RALB: variants seen among roughly 807,000 people sequenced by gnomAD.
The protein encoded by RALB is ras-related protein Ral-B.
In RALB, 16 loss-of-function variants were observed where a neutral mutation model predicts 21.3. That is an observed-to-expected ratio of 0.75 (90% CI 0.51 to 1.14). The LOEUF (loss-of-function observed/expected upper bound fraction) is 1.14, where lower values mean the gene tolerates loss of function less well. RALB is among the 50% of genes most tolerant of loss of function. The pLI, the probability that RALB is intolerant of heterozygous loss-of-function variation, is 0.00. For synonymous variants in RALB, 93 were observed against 96.1 expected (o/e 0.97, Z 0.19); for missense variants, 161 against 256.2 (o/e 0.63, Z 2.54).
Position 120,294,091 on chromosome 2 carries a change from TA to T in RALB, c.*832del. Reference sequence around the variant, plus strand: ...CTCTCCTAACTGCCTGTCCTCTGGTTAGGCCCCTCCCTCTCCACTAGTGGTG... The same window carrying T: ...CTCTCCTAACTGCCTGTCCTCTGGTTGGCCCCTCCCTCTCCACTAGTGGTG... On this transcript the variant is annotated 3_prime_UTR_variant, in exon 5 of 5. Coordinates refer to ENST00000272519, the MANE Select transcript of RALB (RefSeq NM_002881.3). The T allele has an allele frequency of 2.5e-6, 1 of 398,648 alleles. No homozygotes were observed. Among genetic ancestry groups the T allele is most frequent in the East Asian group, 3.6e-5 (1 of 28,080 alleles). 24.7% of individuals were successfully genotyped at this position (398,648 alleles called of 1,614,324 possible).
At chr2:120,269,885 A>G (rs961606412) in intron 1 of RALB, among the ~76,000 whole-genome samples, 2 of 152,092 alleles carry the variant, frequency 1.3e-5, no homozygotes, top group African/African-American at 4.8e-5. Flanking sequence ...GTAGTTGCTT[A>G]TTTTTTCCCA....
intron 1 of RALB, among the ~76,000 whole-genome samples, chr2:120,247,262 T>G (rs1396158101): frequency 6.6e-6 from 1 of 152,244 alleles, no homozygotes; most frequent in Non-Finnish European, 1.5e-5. Flanking sequence ...GGGAGATAAC[T>G]CTTTGTAAAC....
At chr2:120,279,637 T>G (rs1019348136) in intron 2 of RALB, among the ~76,000 whole-genome samples, 2 of 152,112 alleles carry the variant, frequency 1.3e-5, no homozygotes, top group Admixed American at 1.3e-4. Flanking sequence ...ATCTGCAGAT[T>G]TTGGTATTTG....
At chr2:120,276,184 A>T (rs868344423) in intron 1 of RALB, among the ~76,000 whole-genome samples, 1 of 152,192 alleles carries the variant, frequency 6.6e-6, no homozygotes, top group Admixed American at 6.5e-5. Flanking sequence ...TAGCCCTTCT[A>T]TTGGTGCAGC....
intron 1 of RALB, among the ~76,000 whole-genome samples, chr2:120,254,670 G>A (rs1689152560): frequency 9.5e-6 from 1 of 105,490 alleles, no homozygotes; most frequent in South Asian, 3.0e-4. Context: ...TGAGAATTGA[G>A]ATAATCCTTT....
chr2:120,278,543 A>C, intron 1 of RALB, 75 bp from the exon 2 acceptor site: 4 of 1,283,558 alleles, frequency 3.1e-6, no homozygotes, highest in Non-Finnish European at 4.1e-6. Flanking sequence ...GCTTTAATGG[A>C]GGATGTGAAT....
intron 1 of RALB, among the ~76,000 whole-genome samples, chr2:120,269,721 C>A (rs938106093): frequency 6.6e-6 from 1 of 152,208 alleles, no homozygotes; most frequent in Non-Finnish European, 1.5e-5. Flanking sequence ...TCACCTCTCA[C>A]TATCATAATT....
chr2:120,293,388 A>T lies in RALB; in HGVS notation c.*128A>T. On this transcript the variant is annotated 3_prime_UTR_variant, in exon 5 of 5. Transcript: ENST00000272519. ...CGACTTCATTCACTCAAACTTCTTT[A>T]AATGGGGAAAAATATTTGTGACTCT... is the stretch of plus-strand genomic sequence containing the variant. 1.0e-6 allele frequency: 1 copy of T among 1,004,394 alleles called. No homozygotes were observed. 62.2% of individuals were successfully genotyped at this position (1,004,394 alleles called of 1,614,324 possible).
chr2:120,264,343 G>A (rs1335428972), intron 1 of RALB, among the ~76,000 whole-genome samples: 1 of 151,832 alleles, frequency 6.6e-6, no homozygotes, highest in Non-Finnish European at 1.5e-5. Context: ...GTAGAGACGG[G>A]GTTTCACCAT....
At chr2:120,259,636 G>C (rs1689299963) in intron 1 of RALB, among the ~76,000 whole-genome samples, 1 of 152,288 alleles carries the variant, frequency 6.6e-6, no homozygotes, top group Admixed American at 6.5e-5. Flanking sequence ...CCACGAGCTA[G>C]ATATAAAGAC....
chr2:120,284,064 CAG>C (rs1690061409), intron 2 of RALB, among the ~76,000 whole-genome samples: 1 of 152,142 alleles, frequency 6.6e-6, no homozygotes. Flanking sequence ...CAGAGATTTT[CAG>C]GGGACAGTCG....
chr2:120,246,033 C>T (rs973669762), intron 1 of RALB, among the ~76,000 whole-genome samples: 4 of 152,230 alleles, frequency 2.6e-5, no homozygotes, highest in Admixed American at 2.6e-4. Context: ...CCTTTTACCC[C>T]CCGACACCAC....
intron 1 of RALB, among the ~76,000 whole-genome samples, chr2:120,267,143 T>TC (rs1289899393): frequency 1.3e-5 from 2 of 152,238 alleles, no homozygotes; most frequent in Non-Finnish European, 2.9e-5. Context: ...AGGAAGGGAC[T>TC]CCAAAGCCTT....
chr2:120,284,699 A>T (rs1169409381), intron 2 of RALB, among the ~76,000 whole-genome samples: 1 of 152,168 alleles, frequency 6.6e-6, no homozygotes, highest in Non-Finnish European at 1.5e-5. Context: ...ATTCATACAG[A>T]TGTGCAACCA....
intron 2 of RALB, chr2:120,280,766 T>A: frequency 2.9e-6 from 1 of 344,722 alleles, no homozygotes; most frequent in South Asian, 2.2e-5. Context: ...TCTTCTAAGC[T>A]GTCAGAACAA....
At chr2:120,243,814 A>G (rs1323677872) in intron 1 of RALB, among the ~76,000 whole-genome samples, 1 of 152,188 alleles carries the variant, frequency 6.6e-6, no homozygotes, top group Non-Finnish European at 1.5e-5. Flanking sequence ...TTCATGTGGC[A>G]AGTCTAGTCT....
At position 120,278,787 on chromosome 2, in the gene RALB, T is replaced by C; in HGVS notation, c.114+9T>C. ...AGTTCATGTATGACGAGGTAAGCCC[T>C]GCTAGGCACAGACCACCTTCCTTTG... is the stretch of plus-strand genomic sequence containing the variant. On this transcript the variant is annotated intron_variant, in intron 2 of 4. Coordinates refer to ENST00000272519, the MANE Select transcript of RALB (RefSeq NM_002881.3). The C allele has an allele frequency of 6.6e-7, 1 of 1,517,392 alleles. No individual in the cohort carries two copies. The highest frequency in any genetic ancestry group is 8.9e-7 in the Non-Finnish European group (1 of 1,127,038). The allele number at this position is 1,517,392 out of a possible 1,614,324, so 94.0% of individuals were successfully genotyped here.
chr2:120,240,129 G>A (rs1022194635), intron 1 of RALB: 11 of 1,289,560 alleles, frequency 8.5e-6, no homozygotes, highest in Middle Eastern at 2.1e-4. Context: ...CAGTCAGGTG[G>A]GTGCCCGCCC....
At chr2:120,266,702 C>T (rs1689510793) in intron 1 of RALB, among the ~76,000 whole-genome samples, 1 of 152,114 alleles carries the variant, frequency 6.6e-6, no homozygotes, top group Non-Finnish European at 1.5e-5. Flanking sequence ...CAGAATGAGA[C>T]CTTGTCTTAA....
Sources: allele counts gnomAD v4.1 joint callset (sites outside exome capture counted in the v4.1 genomes callset), GRCh38; gene constraint gnomAD v4.1.1; transcripts MANE v1.5; gene names NCBI Gene and HGNC (gene_info 2026-07-23, HGNC 2026-07-21).